The following LRRC4C variants were observed in gnomAD, a reference collection of about 807,000 sequenced individuals.
LRRC4C encodes leucine-rich repeat-containing protein 4C.
Under a neutral mutation model 33.6 loss-of-function variants are expected in LRRC4C, and 5 were observed. That is an observed-to-expected ratio of 0.15 (90% CI 0.08 to 0.31). The LOEUF (loss-of-function observed/expected upper bound fraction) is 0.31, where lower values mean the gene tolerates loss of function less well. Among genes scored for constraint, LRRC4C ranks in the 10% least tolerant of loss-of-function variants. The probability of loss-of-function intolerance (pLI) is 1.00; values close to 1 mark genes in which losing one functional copy is unlikely to be tolerated. For missense variants in LRRC4C, 560 were observed against 796.7 expected, an observed-to-expected ratio of 0.70 and a Z score of 3.58; for synonymous variants, 329 against 302.0, an observed-to-expected ratio of 1.09 and a Z score of -0.93.
chr11:41,335,504 C>T (rs1951425425), intron 1 of LRRC4C, among the ~76,000 whole-genome samples: 1 of 152,120 alleles, frequency 6.6e-6, no homozygotes, highest in Admixed American at 6.6e-5. Flanking sequence ...TAACCATTGC[C>T]TGAAATTGTT....
chr11:40,695,058 A>G (rs1945423926), intron 2 of LRRC4C, among the ~76,000 whole-genome samples: 1 of 152,168 alleles, frequency 6.6e-6, no homozygotes, highest in Non-Finnish European at 1.5e-5. Context: ...AGTATACAAT[A>G]AAACATTACA....
chr11:40,867,910 A>T (rs1049840624), intron 2 of LRRC4C, among the ~76,000 whole-genome samples: 1 of 152,124 alleles, frequency 6.6e-6, no homozygotes, highest in Non-Finnish European at 1.5e-5. Context: ...CACAAGGGAA[A>T]CGGTTTGGTG....
At chr11:40,181,158 G>A (rs1860967628) in intron 5 of LRRC4C, among the ~76,000 whole-genome samples, 1 of 152,164 alleles carries the variant, frequency 6.6e-6, no homozygotes, top group Non-Finnish European at 1.5e-5. Context: ...CAGGAAGGAT[G>A]AAAATAAGAT....
chr11:40,398,195 T>C (rs1949617143), intron 3 of LRRC4C, among the ~76,000 whole-genome samples: 1 of 152,018 alleles, frequency 6.6e-6, no homozygotes, highest in Non-Finnish European at 1.5e-5. Context: ...GAAATATGGC[T>C]TACCAATATG....
At chr11:40,936,014 T>TTATATATATATATATA (rs56879078) in intron 1 of LRRC4C, among the ~76,000 whole-genome samples, 4 of 49,308 alleles carry the variant, frequency 8.1e-5, no homozygotes, top group African/African-American at 1.2e-4. Flanking sequence ...ATGCCAAATT[T>TTATATATATATATATA]TATATATATA....
chr11:41,438,796 A>T (rs1955522978), intron 1 of LRRC4C, among the ~76,000 whole-genome samples: 1 of 152,212 alleles, frequency 6.6e-6, no homozygotes, highest in Non-Finnish European at 1.5e-5. Flanking sequence ...TTTAATATAT[A>T]TTGAATGAAC....
chr11:41,156,000 A>C (rs1944215323), intron 1 of LRRC4C, among the ~76,000 whole-genome samples: 1 of 152,118 alleles, frequency 6.6e-6, no homozygotes, highest in Admixed American at 6.6e-5. Context: ...AGTCAGAGGA[A>C]GGATTTTAGC....
chr11:40,960,502 G>T (rs994891303), intron 1 of LRRC4C, among the ~76,000 whole-genome samples: 1 of 151,676 alleles, frequency 6.6e-6, no homozygotes, highest in African/African-American at 2.4e-5. Flanking sequence ...AAGCCCATGG[G>T]TTATTATTTT....
chr11:40,887,137 A>C (rs1955505282), intron 2 of LRRC4C, among the ~76,000 whole-genome samples: 1 of 151,672 alleles, frequency 6.6e-6, no homozygotes, highest in Non-Finnish European at 1.5e-5. Flanking sequence ...ATTTGAACTG[A>C]CTTTCTAGGT....
At chr11:40,937,601 ATATGTGTGTGTGTG>A (rs965038369) in intron 1 of LRRC4C, among the ~76,000 whole-genome samples, 6 of 114,714 alleles carry the variant, frequency 5.2e-5, no homozygotes, top group African/African-American at 2.5e-4. Context: ...GAGTGTGTGT[ATATGTGTGTGTGTG>A]TGTGTGTGTG....
intron 1 of LRRC4C, among the ~76,000 whole-genome samples, chr11:41,218,830 C>T (rs1019747526): frequency 2.3e-5 from 3 of 130,076 alleles, no homozygotes; most frequent in East Asian, 2.2e-4. Flanking sequence ...TGCAGTGTTG[C>T]GATCTCGGCT....
intron 1 of LRRC4C, among the ~76,000 whole-genome samples, chr11:41,437,220 T>C (rs930742907): frequency 6.6e-6 from 1 of 152,124 alleles, no homozygotes; most frequent in African/African-American, 2.4e-5. Context: ...CCTCTGAAAA[T>C]ACAGTACAAA....
Position 41,161,769 on chromosome 11 carries a change from C to T in LRRC4C, c.-495-228046G>A, listed in dbSNP as rs919884269. ...ATAATTGGTATCCTTTTATTTTCAT[C>T]GGGATGTGATTCTACATGATCAACT... On this transcript the variant is annotated intron_variant, in intron 1 of 6. Transcript: ENST00000528697. Among the ~76,000 whole-genome samples, 31 of 152,072 alleles carry T rather than the reference C, an allele frequency of 2.0e-4. 1 individual carries two copies. Among genetic ancestry groups the T allele is most frequent in the Admixed American group, 1.9e-3 (29 of 15,258 alleles).
At chr11:41,045,200 C>A (rs936382993) in intron 1 of LRRC4C, among the ~76,000 whole-genome samples, 3 of 132,342 alleles carry the variant, frequency 2.3e-5, no homozygotes, top group Non-Finnish European at 3.3e-5. Context: ...CTGTAAGAGA[C>A]CTTAAAAGTT....
At chr11:41,382,920 G>A (rs141555680) in intron 1 of LRRC4C, among the ~76,000 whole-genome samples, 114 of 152,206 alleles carry the variant, frequency 7.5e-4, no homozygotes, top group African/African-American at 2.6e-3. Context: ...TACATATTCA[G>A]CAGATTTGGT....
At chr11:40,835,517 T>C (rs1026994195) in intron 2 of LRRC4C, among the ~76,000 whole-genome samples, 1 of 152,164 alleles carries the variant, frequency 6.6e-6, no homozygotes, top group South Asian at 2.1e-4. Context: ...ATGTCACACA[T>C]GACCGTTACA....
Position 41,376,645 on chromosome 11 carries a change from C to T in LRRC4C, c.-496+82786G>A, listed in dbSNP as rs141017061. ...TTGCATGTTTGGGAAGTATTGTTAG[C>T]GATGTAAAAATGTTTAAGATGTAGA... On this transcript the variant is annotated intron_variant, in intron 1 of 6. Coordinates refer to ENST00000528697, the MANE Select transcript of LRRC4C (RefSeq NM_001258419.2). Among the ~76,000 whole-genome samples the T allele has an allele frequency of 3.4e-4, 52 of 151,886 alleles. 1 individual carries two copies. The highest frequency in any genetic ancestry group is 1.2e-3 in the African/African-American group (49 of 41,410).
At chr11:40,872,315 G>T in intron 2 of LRRC4C, among the ~76,000 whole-genome samples, 1 of 75,254 alleles carries the variant, frequency 1.3e-5, no homozygotes, top group South Asian at 5.8e-4. Context: ...TTGGCTGAAA[G>T]TTAAAAAAAA....
At chr11:40,810,286 G>C (rs1286916499) in intron 2 of LRRC4C, among the ~76,000 whole-genome samples, 3 of 152,092 alleles carry the variant, frequency 2.0e-5, no homozygotes, top group African/African-American at 7.2e-5. Context: ...TGACTTCTGT[G>C]TCACCATGGT....
Sources: gnomAD v4.1 joint callset for allele counts (sites outside exome capture counted in the v4.1 genomes callset) on GRCh38, gnomAD v4.1.1 for gene constraint, MANE v1.5 for transcripts, NCBI Gene and HGNC (gene_info 2026-07-23, HGNC 2026-07-21) for gene names.